The following PZP variants were observed in gnomAD, a reference collection of about 807,000 sequenced individuals.
PZP encodes the protein pregnancy zone protein.
A neutral mutation model predicts 179.8 loss-of-function variants in PZP; 150 were observed. The ratio of observed to expected loss-of-function variants is 0.83; its 90% CI spans 0.73 to 0.96. The LOEUF is 0.96. PZP is among the 40% of genes least tolerant of loss of function. The pLI, the probability that PZP is intolerant of heterozygous loss-of-function variation, is 0.00. For synonymous variants in PZP, 624 were observed against 652.3 expected (o/e 0.96, Z 0.66); for missense variants, 1,689 against 1,764.0 (o/e 0.96, Z 0.76).
At chr12:9,140,877 C>T in the PZP span, among the ~76,000 whole-genome samples, 5 of 152,170 alleles carry the variant, frequency 3.3e-5, no homozygotes, top group Non-Finnish European at 7.4e-5. Flanking sequence ...CCTTAAAGGA[C>T]AGCACACCTC....
intron 8 of PZP, 112 bp downstream of exon 8, chr12:9,196,900 G>A (rs1003230401): frequency 2.2e-6 from 2 of 907,314 alleles, no homozygotes; most frequent in Non-Finnish European, 3.4e-6. Flanking sequence ...TCGTTTTTTG[G>A]TGGGGGATAT....
At chr12:9,201,102 C>A in intron 5 of PZP, 42 bp from the exon 6 acceptor site, 2 of 1,606,176 alleles carry the variant, frequency 1.2e-6, no homozygotes, top group Non-Finnish European at 1.7e-6. Context: ...CATTTAGTCA[C>A]AATAGTCCTT....
rs1221600158 is a variant in PZP, at chr12:9,169,567, C to T, written c.1864G>A (p.Asp622Asn). The T allele has an allele frequency of 2.5e-6, 4 of 1,612,422 alleles. No individual in the cohort carries two copies. The highest frequency in any genetic ancestry group is 1.1e-5 in the South Asian group (1 of 90,748). The change falls in exon 16 of 36, where the codon GAT (aspartate) becomes AAT (asparagine). Residue 622 changes from aspartate to asparagine, a missense_variant. By Grantham distance (23) the Asp-to-Asn change is conservative. Transcript: ENST00000261336. ...ACATTGTCAGGAAAATTGGTGAGAT[C>T]CTTCACAGTTAGCAGATTATATACC... Reference protein sequence around the residue: ...SSVYNLLTVKDLTNFPDNVDQ... With the variant: ...SSVYNLLTVKNLTNFPDNVDQ...
downstream of PZP, among the ~76,000 whole-genome samples, chr12:9,147,705 A>T (rs1940082984): frequency 6.6e-6 from 1 of 152,152 alleles, no homozygotes; most frequent in Non-Finnish European, 1.5e-5. Flanking sequence ...TTCATCAGCC[A>T]GTTTCTTACT....
chr12:9,152,110 T>G (rs2120519424), intron 32 of PZP, 110 bp downstream of exon 32: 1 of 857,512 alleles, frequency 1.2e-6, no homozygotes, highest in African/African-American at 1.7e-5. Context: ...GGGAAAAATA[T>G]TTTTTTGAGG....
At chr12:9,196,970 T>A (rs115286532) in intron 8 of PZP, 42 bp downstream of exon 8, 1 of 1,405,888 alleles carries the variant, frequency 7.1e-7, no homozygotes, top group Non-Finnish European at 1.0e-6. Context: ...TCTCACTGGT[T>A]GTAAACAGTG....
chr12:9,197,016 T>C lies in PZP; in HGVS notation c.863A>G (p.Gln288Arg). The C allele has an allele frequency of 6.2e-7, 1 of 1,604,080 alleles. No individual in the cohort carries two copies. ...DKQEVCEEFS[Q>R]QLNSNGCITQ... ...GGGAGAATACCGCCTACTAACCTGT[T>C]GACTGAATTCCTCACAGACCTCCTG... The change falls in exon 8 of 36, where the codon CAA (glutamine) becomes CGA (arginine). Residue 288 changes from glutamine to arginine, a missense_variant. Physicochemically the swap from Gln to Arg is conservative, Grantham distance 43. Coordinates refer to ENST00000261336, the MANE Select transcript of PZP (RefSeq NM_002864.3).
Position 9,200,979 on chromosome 12 carries a change from A to T in PZP, c.583T>A (p.Ser195Thr). The T allele has an allele frequency of 6.2e-7, 1 of 1,614,128 alleles. No individual in the cohort carries two copies. The highest frequency in any genetic ancestry group is 8.5e-7 in the Non-Finnish European group (1 of 1,179,986). ...GINQLSFPLS[S>T]EPIQGSYRVV... ...CTGTAGGAGCCCTGAATGGGCTCTG[A>T]TGAGAGGGGAAAGGACAACTGATTG... Residue 195 changes from serine to threonine, a missense_variant, in exon 6 of 36, where the codon TCA (serine) becomes ACA (threonine). Coordinates refer to ENST00000261336, the MANE Select transcript of PZP (RefSeq NM_002864.3).
In PZP at chr12:9,208,382, C is replaced by A. The variant is rs1944546939; in HGVS notation, c.-41G>T. Reference sequence around the variant, plus strand: ...TCAGGGTTGTGTCCAACTCTCTGCCCTCAGCCTCGCCCTGGAGACCAGCTG... The same window carrying A: ...TCAGGGTTGTGTCCAACTCTCTGCCATCAGCCTCGCCCTGGAGACCAGCTG... On this transcript the variant is annotated 5_prime_UTR_variant, in exon 1 of 36. It adds an upstream start codon to the 5' untranslated region. Coordinates refer to ENST00000261336, the MANE Select transcript of PZP (RefSeq NM_002864.3). 2 of 1,540,312 alleles carry A rather than the reference C, an allele frequency of 1.3e-6. No individual in the cohort carries two copies. Among genetic ancestry groups the A allele is most frequent in the South Asian group, 2.2e-5 (2 of 88,906 alleles).
intron 13 of PZP, among the ~76,000 whole-genome samples, chr12:9,185,982 A>G (rs974229981): frequency 5.3e-5 from 8 of 151,450 alleles, no homozygotes; most frequent in Non-Finnish European, 1.2e-4. Context: ...TAATTTTTGT[A>G]TTTTTAGTAG....
intron 19 of PZP, among the ~76,000 whole-genome samples, 199 bp downstream of exon 19, chr12:9,164,940 C>T (rs1012062184): frequency 6.6e-6 from 1 of 152,126 alleles, no homozygotes. Flanking sequence ...CTTAGAGAGC[C>T]GTGATTTAAG....
At chr12:9,141,123 C>T in the PZP span, among the ~76,000 whole-genome samples, 2 of 152,186 alleles carry the variant, frequency 1.3e-5, no homozygotes, top group South Asian at 2.1e-4. Context: ...TATCTGTTAC[C>T]TTTGTGGCAT....
intron 13 of PZP, among the ~76,000 whole-genome samples, chr12:9,191,307 C>T (rs760748019): frequency 7.2e-5 from 11 of 152,172 alleles, no homozygotes; most frequent in African/African-American, 2.6e-4. Context: ...GAACAATGTA[C>T]ACAGTGGGGT....
chr12:9,182,370 C>G (rs750998454), intron 13 of PZP, among the ~76,000 whole-genome samples: 2 of 152,128 alleles, frequency 1.3e-5, no homozygotes, highest in Non-Finnish European at 2.9e-5. Context: ...TGATATTCCA[C>G]TTAACTGTTG....
intron 8 of PZP, 126 bp downstream of exon 8, chr12:9,196,886 A>T: frequency 1.2e-6 from 1 of 834,570 alleles, no homozygotes. Context: ...CTAAGAACAG[A>T]AATTCGTTTT....
chr12:9,196,543 A>T (rs1247207369), intron 9 of PZP, 28 bp downstream of exon 9: 2 of 1,576,498 alleles, frequency 1.3e-6, no homozygotes, highest in African/African-American at 2.7e-5. Context: ...CTATTGTTTT[A>T]TTTCCCATAT....
chr12:9,186,187 T>C (rs1408030608), intron 13 of PZP, among the ~76,000 whole-genome samples: 1 of 152,136 alleles, frequency 6.6e-6, no homozygotes, highest in Admixed American at 6.5e-5. Flanking sequence ...AGAAATAAGA[T>C]GCTTCTCAGA....
intron 17 of PZP, 21 bp from the exon 18 acceptor site, chr12:9,166,223 C>T (rs749458113): frequency 3.4e-5 from 54 of 1,605,366 alleles, no homozygotes; most frequent in South Asian, 1.8e-4. Context: ...AGAAAATTGT[C>T]TAGTTAGGGA....
downstream of PZP, among the ~76,000 whole-genome samples, chr12:9,145,539 C>A (rs149983639): frequency 1.9e-3 from 293 of 152,114 alleles, 1 homozygote; most frequent in African/African-American, 6.8e-3. Context: ...ATTTTTAATA[C>A]TTTTCTCTTT....
Sources: gnomAD v4.1 joint callset for allele counts (sites outside exome capture counted in the v4.1 genomes callset) on GRCh38, gnomAD v4.1.1 for gene constraint, MANE v1.5 for transcripts, NCBI Gene and HGNC (gene_info 2026-07-23, HGNC 2026-07-21) for gene names.